Variants in CLVS2 observed in about 807,000 individuals in gnomAD.
The protein encoded by CLVS2 is clavesin-2.
Under a neutral mutation model 29.0 loss-of-function variants are expected in CLVS2, and 19 were observed. The ratio of observed to expected loss-of-function variants is 0.66; its 90% CI spans 0.46 to 0.96. The LOEUF (loss-of-function observed/expected upper bound fraction) is 0.96, where lower values mean the gene tolerates loss of function less well. Among genes scored for constraint, CLVS2 ranks in the 40% least tolerant of loss-of-function variants. The pLI is 0.00. For missense variants in CLVS2, 294 were observed against 404.1 expected (o/e 0.73, Z 2.34); for synonymous variants, 161 against 151.3 (o/e 1.06, Z -0.47).
chr6:123,036,673 T>A (rs558051699), intron 3 of CLVS2, among the ~76,000 whole-genome samples: 1 of 152,294 alleles, frequency 6.6e-6, no homozygotes, highest in East Asian at 1.9e-4. Context: ...GAATTAGAGT[T>A]CCTCATCAGC....
chr6:123,039,527 C>T (rs527281503), intron 3 of CLVS2, among the ~76,000 whole-genome samples: 2 of 152,208 alleles, frequency 1.3e-5, no homozygotes, highest in South Asian at 4.2e-4. Context: ...CTGGTGCTTC[C>T]TAGACTGCGA....
chr6:123,059,075 G>A (rs1474301472), intron 5 of CLVS2, among the ~76,000 whole-genome samples: 1 of 152,076 alleles, frequency 6.6e-6, no homozygotes, highest in Non-Finnish European at 1.5e-5. Flanking sequence ...GGTGTATCCT[G>A]TCTGCTTCCT....
intron 3 of CLVS2, among the ~76,000 whole-genome samples, chr6:123,038,682 C>T (rs1363682926): frequency 6.6e-6 from 1 of 151,914 alleles, no homozygotes; most frequent in East Asian, 1.9e-4. Context: ...AATTTATTAA[C>T]CTAATATTGT....
intron 4 of CLVS2, among the ~76,000 whole-genome samples, chr6:123,049,094 A>G (rs1772565383): frequency 6.6e-6 from 1 of 152,200 alleles, no homozygotes. Context: ...TATGCTGGTA[A>G]GTGGATGTTT....
rs1472831382 is a variant in CLVS2, at chr6:123,066,789, C to T, written c.*3028C>T. ...TATGGATTTTATTTGTACTCTCTTC[C>T]AAAAAGTAAATACGTAAATCTATAT... On this transcript the variant is annotated 3_prime_UTR_variant, in exon 6 of 6. Coordinates refer to ENST00000275162, the MANE Select transcript of CLVS2 (RefSeq NM_001010852.4). The T allele has an allele frequency of 6.6e-6, 1 of 151,496 alleles. No homozygotes were observed. Among genetic ancestry groups the T allele is most frequent in the Admixed American group, 6.6e-5 (1 of 15,138 alleles). 9.4% of individuals were successfully genotyped at this position (151,496 alleles called of 1,614,324 possible).
At chr6:123,037,434 T>C (rs932309718) in intron 3 of CLVS2, among the ~76,000 whole-genome samples, 9 of 152,176 alleles carry the variant, frequency 5.9e-5, no homozygotes, top group African/African-American at 1.9e-4. Context: ...ACTTGACATC[T>C]CCAACTTCAC....
At chr6:123,036,235 G>A (rs2114340014) in intron 3 of CLVS2, among the ~76,000 whole-genome samples, 1 of 152,226 alleles carries the variant, frequency 6.6e-6, no homozygotes, top group South Asian at 2.1e-4. Flanking sequence ...GGACTTTGTA[G>A]CAATGTAAAA....
chr6:123,031,592 A>G (rs1171262809), intron 3 of CLVS2, among the ~76,000 whole-genome samples: 3 of 152,236 alleles, frequency 2.0e-5, no homozygotes, highest in African/African-American at 4.8e-5. Context: ...TGATTATTTC[A>G]CAAAGTCTGT....
At chr6:123,050,390 C>A (rs201179288) in intron 4 of CLVS2, among the ~76,000 whole-genome samples, 1 of 152,106 alleles carries the variant, frequency 6.6e-6, no homozygotes, top group Admixed American at 6.6e-5. Context: ...TTAGTACTTA[C>A]GACACCACTT....
At chr6:123,017,174 G>A (rs1419637863) in intron 3 of CLVS2, among the ~76,000 whole-genome samples, 3 of 151,812 alleles carry the variant, frequency 2.0e-5, no homozygotes, top group Admixed American at 1.3e-4. Flanking sequence ...GACTAAATTA[G>A]GAATTCATAA....
chr6:123,009,772 C>T (rs759594292), intron 2 of CLVS2, among the ~76,000 whole-genome samples: 3 of 152,126 alleles, frequency 2.0e-5, no homozygotes, highest in African/African-American at 7.2e-5. Context: ...TCTCACTCCT[C>T]TTAAAGTGCT....
chr6:123,063,872 T>C lies in CLVS2; in HGVS notation c.*111T>C. On this transcript the variant is annotated 3_prime_UTR_variant, in exon 6 of 6. Coordinates refer to ENST00000275162, the MANE Select transcript of CLVS2 (RefSeq NM_001010852.4). ...CTGGAAACCGACTTATTCATGTTAA[T>C]GTAGCATAATATATAACAAGGCATC... 1 of 702,284 alleles carries C rather than the reference T, an allele frequency of 1.4e-6. No homozygotes were observed. The allele number at this position is 702,284 out of a possible 1,614,324, so 43.5% of individuals were successfully genotyped here.
intron 5 of CLVS2, among the ~76,000 whole-genome samples, chr6:123,057,232 G>A (rs1423416124): frequency 6.6e-6 from 1 of 152,062 alleles, no homozygotes; most frequent in Non-Finnish European, 1.5e-5. Context: ...CAATGAACGG[G>A]TCATGCCAAT....
intron 3 of CLVS2, among the ~76,000 whole-genome samples, chr6:123,033,420 A>G (rs1475347466): frequency 6.6e-6 from 1 of 152,100 alleles, no homozygotes; most frequent in African/African-American, 2.4e-5. Context: ...AAATATGTCC[A>G]ACTGATAATT....
In CLVS2 at chr6:122,997,473, A is replaced by C; in HGVS notation, c.-305A>C. ...GTTAGGAAAGAGAAAGGACAAGAAG[A>C]GGAGTGCGGAGCCCTTCAGGGGTTC... On this transcript the variant is annotated 5_prime_UTR_variant, in exon 2 of 6. Coordinates refer to ENST00000275162, the MANE Select transcript of CLVS2 (RefSeq NM_001010852.4). 1 of 379,924 alleles carries C rather than the reference A, an allele frequency of 2.6e-6. No homozygotes were observed. 23.5% of individuals were successfully genotyped at this position (379,924 alleles called of 1,614,324 possible). A position where few individuals can be genotyped will look rare whatever the true frequency, so the allele number is the denominator to read the frequency against.
chr6:123,008,577 A>C (rs892978110), intron 2 of CLVS2, among the ~76,000 whole-genome samples: 1 of 152,116 alleles, frequency 6.6e-6, no homozygotes, highest in Non-Finnish European at 1.5e-5. Flanking sequence ...TTTCTTATGG[A>C]TAACATAAGA....
chr6:123,050,492 C>T (rs754297680), intron 4 of CLVS2, among the ~76,000 whole-genome samples: 3 of 152,076 alleles, frequency 2.0e-5, no homozygotes, highest in South Asian at 2.1e-4. Flanking sequence ...GCTAGCAGAT[C>T]GTAGAGCCGG....
chr6:123,044,854 C>T (rs1225778111), intron 3 of CLVS2, among the ~76,000 whole-genome samples: 2 of 152,100 alleles, frequency 1.3e-5, no homozygotes, highest in Admixed American at 6.6e-5. Flanking sequence ...ACTCAGTTTC[C>T]AAGCTTAACT....
Position 123,064,368 on chromosome 6 carries a change from C to G in CLVS2, c.*607C>G, listed in dbSNP as rs763739897. 2.0e-5 allele frequency: 3 copies of G among 151,990 alleles called. No individual in the cohort carries two copies. The highest frequency in any genetic ancestry group is 4.4e-5 in the Non-Finnish European group (3 of 67,914). 9.4% of individuals were successfully genotyped at this position (151,990 alleles called of 1,614,324 possible). On this transcript the variant is annotated 3_prime_UTR_variant, in exon 6 of 6. Coordinates refer to ENST00000275162, the MANE Select transcript of CLVS2 (RefSeq NM_001010852.4). ...GGCAGATGAGCTGGTAAACTGAACA[C>G]TTGAACTCTTCTATGTTGTTTAATT...
Sources: allele counts gnomAD v4.1 joint callset (sites outside exome capture counted in the v4.1 genomes callset), GRCh38; gene constraint gnomAD v4.1.1; transcripts MANE v1.5; gene names NCBI Gene and HGNC (gene_info 2026-07-23, HGNC 2026-07-21).